C12orf75: variants seen among roughly 807,000 people sequenced by gnomAD.
The protein encoded by C12orf75 is overexpressed in colon carcinoma 1 protein.
In C12orf75, 4 loss-of-function variants were observed where a neutral mutation model predicts 11.4. The observed-to-expected ratio is 0.35, with a 90% CI of 0.17 to 0.80. The LOEUF (loss-of-function observed/expected upper bound fraction) is 0.80. C12orf75 is among the 30% of genes least tolerant of loss of function. C12orf75 has a pLI of 0.52. For synonymous variants in C12orf75, 30 were observed against 30.0 expected (o/e 1.00, Z 0.00); for missense variants, 89 against 80.4 (o/e 1.11, Z -0.41).
At chr12:105,368,859 C>CAGAG (rs1288769661) in intron 5 of C12orf75, among the ~76,000 whole-genome samples, 5 of 152,188 alleles carry the variant, frequency 3.3e-5, no homozygotes, top group Non-Finnish European at 7.3e-5. Context: ...TACCCATGAA[C>CAGAG]AGAGGGTATT....
rs769085087 is a variant in C12orf75 at position 105,365,761 on chromosome 12, G to A, written c.72-46G>A. 1.1e-4 allele frequency: 147 copies of A among 1,396,724 alleles called. 2 individuals carry two copies. The highest frequency in any genetic ancestry group is 3.7e-4 in the Admixed American group (19 of 50,822). 86.5% of individuals were successfully genotyped at this position (1,396,724 alleles called of 1,614,324 possible). On this transcript the variant is annotated intron_variant, in intron 2 of 5. Transcript: ENST00000443585. ...TCTCATAACCAAAAATGAAGTCCCC[G>A]ACTATGTAACCAAGTGTCTCATAGC...
At chr12:105,370,204 T>A (rs1299953719) in intron 5 of C12orf75, among the ~76,000 whole-genome samples, 1 of 152,174 alleles carries the variant, frequency 6.6e-6, no homozygotes, top group African/African-American at 2.4e-5. Flanking sequence ...GTGATGGTGC[T>A]CAGATGACAA....
rs1383174768 is a variant in C12orf75, at chr12:105,366,690, C to T, written c.181C>T (p.Arg61Trp). 9 of 1,519,072 alleles carry T rather than the reference C, an allele frequency of 5.9e-6. No individual in the cohort carries two copies. Among genetic ancestry groups the T allele is most frequent in the African/African-American group, 2.8e-5 (2 of 72,292 alleles). 94.1% of individuals were successfully genotyped at this position (1,519,072 alleles called of 1,614,324 possible). A position where few individuals can be genotyped will look rare whatever the true frequency, so the allele number is the denominator to read the frequency against. Residue 61 changes from arginine to tryptophan, a missense_variant, in exon 4 of 6, where the codon CGG becomes TGG. By Grantham distance (101) the Arg-to-Trp change is moderately radical. Transcript: ENST00000443585. ...NMVSSQTKTV[R>W]KN is the part of the protein sequence containing the mutation. ...GGTGTCCAGTCAAACAAAGACGGTT[C>T]GGAAAAGTAAGTGAAATCATGTGCT...
chr12:105,365,950 T>C (rs987489688), intron 3 of C12orf75, 108 bp downstream of exon 3: 21 of 790,304 alleles, frequency 2.7e-5, no homozygotes, highest in Non-Finnish European at 4.2e-5. Flanking sequence ...CCAGGAAAAC[T>C]GTTGGCACAG....
chr12:105,361,028 G>A (rs1168318277), intron 2 of C12orf75, among the ~76,000 whole-genome samples: 1 of 152,020 alleles, frequency 6.6e-6, no homozygotes, highest in East Asian at 1.9e-4. Flanking sequence ...CGCCTGTCTC[G>A]GCCTTCCAAA....
At chr12:105,338,420 C>T (rs1379902314) in intron 1 of C12orf75, among the ~76,000 whole-genome samples, 2 of 152,148 alleles carry the variant, frequency 1.3e-5, no homozygotes, top group South Asian at 2.1e-4. Flanking sequence ...GTGATCCACC[C>T]GTCTTGGCCT....
intron 1 of C12orf75, among the ~76,000 whole-genome samples, chr12:105,339,440 GGT>G (rs1296443873): frequency 2.1e-5 from 3 of 142,386 alleles, no homozygotes; most frequent in Non-Finnish European, 3.1e-5. Flanking sequence ...TTTTATTTCG[GGT>G]GTGTGTGTGT....
At chr12:105,358,476 G>A (rs752582555) in intron 2 of C12orf75, among the ~76,000 whole-genome samples, 1 of 152,306 alleles carries the variant, frequency 6.6e-6, no homozygotes, top group African/African-American at 2.4e-5. Flanking sequence ...AGCTATGATT[G>A]TGCCACTGCT....
At chr12:105,367,552 T>C (rs1003901514) in intron 5 of C12orf75, 43 bp downstream of exon 5, 14 of 507,976 alleles carry the variant, frequency 2.8e-5, no homozygotes, top group African/African-American at 9.7e-5. Flanking sequence ...TTTAGACTTA[T>C]TGATGAATGG....
chr12:105,348,951 A>G (rs1178530872), intron 2 of C12orf75, among the ~76,000 whole-genome samples: 2 of 152,204 alleles, frequency 1.3e-5, no homozygotes, highest in Non-Finnish European at 2.9e-5. Context: ...AGAAATAAGC[A>G]TGTAGCTCCT....
chr12:105,348,613 G>A lies in C12orf75; in HGVS notation c.58G>A (p.Ala20Thr). The A allele has an allele frequency of 6.5e-7, 1 of 1,538,172 alleles. No individual in the cohort carries two copies. Reference protein sequence around the residue: ...SAGAGQGPAGAAKDVTEESVT... With the variant: ...SAGAGQGPAGTAKDVTEESVT... Reference sequence around the variant, plus strand: ...CTTTTTTTCTCTAGGCCCTGCAGGAGCAGCCAAAGATGTGTAAGTATTGAA... The same window carrying A: ...CTTTTTTTCTCTAGGCCCTGCAGGAACAGCCAAAGATGTGTAAGTATTGAA... Residue 20 changes from alanine (A) to threonine (T), a missense_variant, in exon 2 of 6, where the codon GCA (alanine) becomes ACA (threonine). Physicochemically the swap from Ala to Thr is moderately conservative, Grantham distance 58. Transcript: ENST00000443585.
At chr12:105,347,064 G>C (rs1892649999) in intron 1 of C12orf75, among the ~76,000 whole-genome samples, 1 of 152,210 alleles carries the variant, frequency 6.6e-6, no homozygotes, top group African/African-American at 2.4e-5. Flanking sequence ...GGGAGGTGAG[G>C]TTTTAAGAGG....
At chr12:105,354,277 T>C (rs1892748175) in intron 2 of C12orf75, among the ~76,000 whole-genome samples, 1 of 152,190 alleles carries the variant, frequency 6.6e-6, no homozygotes. Context: ...ATCTGTGAAA[T>C]TGGGATAATA....
At chr12:105,341,845 G>T (rs1326412317) in intron 1 of C12orf75, among the ~76,000 whole-genome samples, 1 of 152,178 alleles carries the variant, frequency 6.6e-6, no homozygotes, top group Non-Finnish European at 1.5e-5. Context: ...GAATCATGGG[G>T]GTGGTTCCCC....
rs1225664951 is a variant in C12orf75, at chr12:105,356,420, AAAAAG to A, written c.71+7801_71+7805del. 2.0e-5 allele frequency among the ~76,000 whole-genome samples: 3 copies of A among 149,300 alleles called. No individual in the cohort carries two copies. The East Asian group carries it at 5.9e-4, about 29-fold the overall frequency. On this transcript the variant is annotated intron_variant, in intron 2 of 5. Coordinates refer to ENST00000443585, the MANE Select transcript of C12orf75 (RefSeq NM_001145199.2). ...CTCTTTAGTGACACTGCAAATAGGG[AAAAAG>A]AAAAGACTACAGGCTTTTTTTTTTT...
chr12:105,354,141 C>G (rs1279041603), intron 2 of C12orf75, among the ~76,000 whole-genome samples: 1 of 152,156 alleles, frequency 6.6e-6, no homozygotes, highest in Non-Finnish European at 1.5e-5. Context: ...ACGCTGTCTT[C>G]TGAGGGTGAA....
intron 5 of C12orf75, among the ~76,000 whole-genome samples, chr12:105,370,201 T>C (rs1871588437): frequency 6.6e-6 from 1 of 152,156 alleles, no homozygotes; most frequent in Non-Finnish European, 1.5e-5. Context: ...TAAGTGATGG[T>C]GCTCAGATGA....
At chr12:105,356,511 CT>C (rs1242070625) in intron 2 of C12orf75, among the ~76,000 whole-genome samples, 1 of 86,754 alleles carries the variant, frequency 1.2e-5, no homozygotes, top group Non-Finnish European at 2.1e-5. Flanking sequence ...GAACATTTTT[CT>C]TGATGAATAA....
At chr12:105,353,154 G>A (rs1892735546) in intron 2 of C12orf75, among the ~76,000 whole-genome samples, 1 of 152,186 alleles carries the variant, frequency 6.6e-6, no homozygotes, top group East Asian at 1.9e-4. Flanking sequence ...ATTGGCATGT[G>A]GAGTGGAAAA....
Sources: gnomAD v4.1 joint callset for allele counts (sites outside exome capture counted in the v4.1 genomes callset) on GRCh38, gnomAD v4.1.1 for gene constraint, MANE v1.5 for transcripts, NCBI Gene and HGNC (gene_info 2026-07-23, HGNC 2026-07-21) for gene names.